AGMO: variants seen among roughly 807,000 people sequenced by gnomAD.
The protein encoded by AGMO is alkylglycerol monooxygenase, also known as glyceryl-ether monooxygenase.
In AGMO, 75 loss-of-function variants were observed where a neutral mutation model predicts 60.2. The observed-to-expected ratio is 1.25, with a 90% CI of 1.03 to 1.51. The LOEUF (loss-of-function observed/expected upper bound fraction) is 1.51, where lower values mean the gene tolerates loss of function less well. AGMO is among the 40% of genes most tolerant of loss of function. The pLI, the probability that AGMO is intolerant of heterozygous loss-of-function variation, is 0.00. For synonymous variants in AGMO, 261 were observed against 177.1 expected (o/e 1.47, Z -3.76); for missense variants, 763 against 525.5 (o/e 1.45, Z -4.42).
rs554097131 is a variant in AGMO, at chr7:15,366,198, G to A, written c.1099C>T (p.Leu367=). ...GTCAGGATAATGAAGCAAACCCTCA[G>A]AAGGAGAGTAACTTGCGACAGTGCC... is the stretch of plus-strand genomic sequence containing the variant. ...TAALSQVTLL[L]RVCFIILTLT... is the part of the protein sequence containing the mutation. The change falls in exon 11 of 13, where the codon CTG becomes TTG. Residue 367 remains leucine, a synonymous_variant. Coordinates refer to ENST00000342526, the MANE Select transcript of AGMO (RefSeq NM_001004320.2). 1.4e-5 allele frequency: 22 copies of A among 1,607,804 alleles called. No homozygotes were observed. The highest frequency in any genetic ancestry group is 2.3e-5 in the East Asian group (1 of 44,358).
At chr7:15,368,806 G>A (rs1034407592) in intron 10 of AGMO, among the ~76,000 whole-genome samples, 10 of 152,080 alleles carry the variant, frequency 6.6e-5, no homozygotes, top group Non-Finnish European at 1.3e-4. Context: ...CTTTGGTTAG[G>A]AAATCTATGA....
intron 12 of AGMO, among the ~76,000 whole-genome samples, chr7:15,293,375 C>T (rs1784327099): frequency 6.6e-6 from 1 of 151,992 alleles, no homozygotes; most frequent in Non-Finnish European, 1.5e-5. Context: ...TGATAGATTT[C>T]AGCATATAAC....
chr7:15,457,107 T>G (rs1378625126), intron 3 of AGMO, among the ~76,000 whole-genome samples: 1 of 152,198 alleles, frequency 6.6e-6, no homozygotes, highest in Non-Finnish European at 1.5e-5. Context: ...AGTTGCTTTT[T>G]AAACAATGAA....
chr7:15,317,729 A>T (rs538622217), intron 12 of AGMO, among the ~76,000 whole-genome samples: 1 of 151,904 alleles, frequency 6.6e-6, no homozygotes, highest in African/African-American at 2.4e-5. Flanking sequence ...AGTGTCTGTT[A>T]TAAGAAGTAG....
At chr7:15,179,736 G>T in the AGMO span, among the ~76,000 whole-genome samples, 1 of 152,160 alleles carries the variant, frequency 6.6e-6, no homozygotes, top group South Asian at 2.1e-4. Context: ...GCAGGTTTCT[G>T]CCTGAATCCC....
At chr7:15,317,823 G>A (rs940048885) in intron 12 of AGMO, among the ~76,000 whole-genome samples, 1 of 149,106 alleles carries the variant, frequency 6.7e-6, no homozygotes, top group Admixed American at 6.8e-5. Context: ...AAGAGATATT[G>A]AAAGGTTTAT....
In AGMO at chr7:15,371,383, C is replaced by T. The variant is rs140907101; in HGVS notation, c.1075-5161G>A. Among the ~76,000 whole-genome samples, 419 of 151,332 alleles carry T rather than the reference C, an allele frequency of 2.8e-3. 2 individuals are homozygous for T. Among genetic ancestry groups the T allele is most frequent in the Middle Eastern group, 0.01 (3 of 290 alleles). On this transcript the variant is annotated intron_variant, in intron 10 of 12. Transcript: ENST00000342526. Reference sequence around the variant, plus strand: ...CTACAGGCACATGCTACCGTGCGCACAGCTAATTTTTTTTTTTTTTCTTCG... The same window carrying T: ...CTACAGGCACATGCTACCGTGCGCATAGCTAATTTTTTTTTTTTTTCTTCG...
intron 12 of AGMO, among the ~76,000 whole-genome samples, chr7:15,344,584 G>A (rs1304559808): frequency 6.6e-6 from 1 of 151,908 alleles, no homozygotes; most frequent in East Asian, 1.9e-4. Context: ...TGTGGTCCCA[G>A]CCACTCAGGA....
chr7:15,238,819 C>A (rs954441526), intron 12 of AGMO, among the ~76,000 whole-genome samples: 4 of 151,892 alleles, frequency 2.6e-5, no homozygotes, highest in African/African-American at 9.7e-5. Flanking sequence ...CATAGAAAGT[C>A]ATAAGTATAG....
intron 3 of AGMO, among the ~76,000 whole-genome samples, chr7:15,526,039 G>A (rs1583646047): frequency 6.6e-6 from 1 of 152,172 alleles, no homozygotes; most frequent in African/African-American, 2.4e-5. Context: ...GCTCGCACTA[G>A]CTCACTCACA....
intron 12 of AGMO, among the ~76,000 whole-genome samples, chr7:15,351,024 T>G (rs912069499): frequency 1.3e-5 from 2 of 152,148 alleles, no homozygotes; most frequent in African/African-American, 4.8e-5. Context: ...TGGGCATGCA[T>G]GAGATAGTAG....
At chr7:15,380,601 G>A (rs1783639598) in intron 10 of AGMO, among the ~76,000 whole-genome samples, 1 of 152,068 alleles carries the variant, frequency 6.6e-6, no homozygotes, top group Admixed American at 6.6e-5. Context: ...GCAATTTATA[G>A]AATCAATGCT....
At chr7:15,545,270 T>A (rs906190811) in intron 2 of AGMO, among the ~76,000 whole-genome samples, 2 of 152,186 alleles carry the variant, frequency 1.3e-5, no homozygotes, top group African/African-American at 4.8e-5. Flanking sequence ...GTGATTGTCA[T>A]TTCTAAATCT....
At chr7:15,217,445 TG>T (rs1180560573) in intron 12 of AGMO, among the ~76,000 whole-genome samples, 1 of 151,742 alleles carries the variant, frequency 6.6e-6, no homozygotes, top group Non-Finnish European at 1.5e-5. Context: ...GTGCAAGAAA[TG>T]GAGAATTTAC....
intron 12 of AGMO, among the ~76,000 whole-genome samples, chr7:15,254,726 C>T (rs922959679): frequency 1.3e-5 from 2 of 149,980 alleles, no homozygotes; most frequent in Non-Finnish European, 3.0e-5. Context: ...AGAAAATAGA[C>T]AAACCTTTAA....
intron 4 of AGMO, among the ~76,000 whole-genome samples, chr7:15,422,052 A>C (rs532550159): frequency 2.0e-5 from 3 of 152,230 alleles, no homozygotes; most frequent in African/African-American, 7.2e-5. Flanking sequence ...GGAACTGAAA[A>C]AAAATAAGTG....
intron 12 of AGMO, among the ~76,000 whole-genome samples, chr7:15,336,723 C>G (rs1278357174): frequency 1.3e-5 from 2 of 152,076 alleles, no homozygotes; most frequent in Non-Finnish European, 2.9e-5. Flanking sequence ...CATGGAGAAA[C>G]TAAACTGTGT....
chr7:15,270,885 A>G (rs1783585830), intron 12 of AGMO, among the ~76,000 whole-genome samples: 1 of 151,914 alleles, frequency 6.6e-6, no homozygotes, highest in Admixed American at 6.6e-5. Context: ...TCATATGGCT[A>G]GCCAATTTTC....
chr7:15,276,506 T>A (rs1305676829), intron 12 of AGMO, among the ~76,000 whole-genome samples: 1 of 152,172 alleles, frequency 6.6e-6, no homozygotes, highest in South Asian at 2.1e-4. Context: ...CTGATGACTG[T>A]TTTCCTTGAT....
Sources: gnomAD v4.1 joint callset for allele counts (sites outside exome capture counted in the v4.1 genomes callset) on GRCh38, gnomAD v4.1.1 for gene constraint, MANE v1.5 for transcripts, NCBI Gene and HGNC (gene_info 2026-07-23, HGNC 2026-07-21) for gene names.